ITPKB: variants seen among roughly 807,000 people sequenced by gnomAD.
ITPKB encodes the protein IP3 3-kinase B.
In ITPKB, 13 loss-of-function variants were observed where a neutral mutation model predicts 69.4. The observed-to-expected ratio is 0.19, with a 90% CI of 0.12 to 0.30. The LOEUF (loss-of-function observed/expected upper bound fraction) is 0.30. Among genes scored for constraint, ITPKB ranks in the 10% least tolerant of loss-of-function variants. The pLI is 1.00. For synonymous variants in ITPKB, 584 were observed against 513.7 expected (o/e 1.14, Z -1.85); for missense variants, 1,240 against 1,250.5 (o/e 0.99, Z 0.13).
intron 2 of ITPKB, among the ~76,000 whole-genome samples, chr1:226,732,384 G>A (rs188476714): frequency 1.3e-5 from 2 of 151,904 alleles, no homozygotes; most frequent in East Asian, 1.9e-4. Context: ...GATTACAGGC[G>A]CCCGCGACCA....
At chr1:226,735,169 C>T (rs536629073) in intron 2 of ITPKB, among the ~76,000 whole-genome samples, 1 of 152,376 alleles carries the variant, frequency 6.6e-6, no homozygotes, top group South Asian at 2.1e-4. Flanking sequence ...AAACTACACT[C>T]AGTAGCTCAG....
At chr1:226,663,391 C>T (rs149858536) in intron 2 of ITPKB, among the ~76,000 whole-genome samples, 3 of 152,292 alleles carry the variant, frequency 2.0e-5, no homozygotes, top group Non-Finnish European at 1.5e-5. Context: ...AAACTCCTAC[C>T]CTGGAAGCCT....
chr1:226,733,970 T>C (rs527572518), intron 2 of ITPKB, among the ~76,000 whole-genome samples: 1 of 152,214 alleles, frequency 6.6e-6, no homozygotes, highest in South Asian at 2.1e-4. Flanking sequence ...TAAAGTGACT[T>C]TGGCTGTTTC....
chr1:226,691,403 C>A (rs1403191784), intron 2 of ITPKB, among the ~76,000 whole-genome samples: 4 of 152,116 alleles, frequency 2.6e-5, no homozygotes, highest in African/African-American at 9.7e-5. Flanking sequence ...GGGGTGGGGC[C>A]TGGCTGGGGG....
At chr1:226,665,543 A>ACCAAAGATGAAAT (rs1669480061) in intron 2 of ITPKB, among the ~76,000 whole-genome samples, 2 of 152,196 alleles carry the variant, frequency 1.3e-5, no homozygotes, top group African/African-American at 4.8e-5. Context: ...GATGAAATAG[A>ACCAAAGATGAAAT]ACACCAAGAC....
At chr1:226,690,719 G>A (rs897847640) in intron 2 of ITPKB, among the ~76,000 whole-genome samples, 1 of 152,156 alleles carries the variant, frequency 6.6e-6, no homozygotes, top group East Asian at 1.9e-4. Context: ...TCAATTCAAC[G>A]TGTCCACCTA....
chr1:226,634,744 T>C lies in ITPKB; in HGVS notation c.2768A>G (p.Asp923Gly). 8.2e-7 allele frequency: 1 copy of C among 1,221,386 alleles called. No homozygotes were observed. Among genetic ancestry groups the C allele is most frequent in the Non-Finnish European group, 1.2e-6 (1 of 821,594 alleles). The allele number at this position is 1,221,386 out of a possible 1,614,324, so 75.7% of individuals were successfully genotyped here. The part of the protein sequence containing the change: ...DVPWQEGNRE[D>G]GYLSGLNNLV... ...GTTATTGAGCCCCGAGAGGTAGCCA[T>C]CCTCCCGGTTCCCCTCCTGCCAGGG... Residue 923 changes from aspartate to glycine, a missense_variant, in exon 8 of 8, where the codon GAT becomes GGT. Coordinates refer to ENST00000429204, the MANE Select transcript of ITPKB (RefSeq NM_002221.4). The surrounding 1 kb of genome is among the most constrained non-coding windows in gnomAD (Gnocchi z 6.3).
At chr1:226,675,052 A>T (rs1669701029) in intron 2 of ITPKB, 1 of 147,338 alleles carries the variant, frequency 6.8e-6, no homozygotes, top group South Asian at 2.2e-4. Flanking sequence ...AGGCCACAGC[A>T]GGGTACTCTG....
At chr1:226,710,965 T>C (rs1054386146) in intron 2 of ITPKB, among the ~76,000 whole-genome samples, 1 of 152,206 alleles carries the variant, frequency 6.6e-6, no homozygotes, top group Non-Finnish European at 1.5e-5. Flanking sequence ...AAGGCAGCAA[T>C]GGGCCAGGCA....
Position 226,634,621 on chromosome 1 carries a change from C to G in ITPKB, c.*50G>C. The G allele has an allele frequency of 2.7e-6, 2 of 743,870 alleles. No homozygotes were observed. Among genetic ancestry groups the G allele is most frequent in the Non-Finnish European group, 2.5e-6 (1 of 396,342 alleles). 46.1% of individuals were successfully genotyped at this position (743,870 alleles called of 1,614,324 possible). A position where few individuals can be genotyped will look rare whatever the true frequency, so the allele number is the denominator to read the frequency against. On this transcript the variant is annotated 3_prime_UTR_variant, in exon 8 of 8. Transcript: ENST00000429204. The surrounding 1 kb of genome is among the most constrained non-coding windows in gnomAD (Gnocchi z 6.3). Reference sequence around the variant, plus strand: ...AAAGTTAGGAACGAGAAAGGAAGCACAGGAGGAGGAAAGGAGGCCCAGGCG... The same window carrying G: ...AAAGTTAGGAACGAGAAAGGAAGCAGAGGAGGAGGAAAGGAGGCCCAGGCG...
At chr1:226,728,617 A>G (rs1410932787) in intron 2 of ITPKB, among the ~76,000 whole-genome samples, 4 of 152,304 alleles carry the variant, frequency 2.6e-5, no homozygotes, top group East Asian at 1.9e-4. Flanking sequence ...ATTCATTCCT[A>G]TCGCTTTGAG....
At chr1:226,649,560 CAT>C (rs990896832) in intron 2 of ITPKB, among the ~76,000 whole-genome samples, 17 of 147,950 alleles carry the variant, frequency 1.1e-4, no homozygotes, top group African/African-American at 2.0e-4. Context: ...GTGATATGCA[CAT>C]ATGTGTGCAT....
chr1:226,735,229 T>C (rs1447471357), intron 2 of ITPKB, among the ~76,000 whole-genome samples: 1 of 152,254 alleles, frequency 6.6e-6, no homozygotes, highest in Non-Finnish European at 1.5e-5. Flanking sequence ...CATTTATGAA[T>C]ATTATTTTCC....
At chr1:226,686,181 T>C (rs1249253869) in intron 2 of ITPKB, among the ~76,000 whole-genome samples, 1 of 152,190 alleles carries the variant, frequency 6.6e-6, no homozygotes, top group Admixed American at 6.5e-5. Flanking sequence ...TCTGCTCTAA[T>C]GAGGCCATGG....
chr1:226,691,372 G>A (rs1409740417), intron 2 of ITPKB, among the ~76,000 whole-genome samples: 1 of 152,136 alleles, frequency 6.6e-6, no homozygotes. Flanking sequence ...GGCTTCAGAT[G>A]ACAGAGGCAG....
At chr1:226,662,131 C>T (rs1284678474) in intron 2 of ITPKB, among the ~76,000 whole-genome samples, 1 of 152,154 alleles carries the variant, frequency 6.6e-6, no homozygotes, top group Admixed American at 6.5e-5. Flanking sequence ...CCAAACCTCC[C>T]CCAGGGACCT....
chr1:226,649,228 C>T (rs1054589705), intron 2 of ITPKB, among the ~76,000 whole-genome samples: 6 of 150,896 alleles, frequency 4.0e-5, no homozygotes, highest in South Asian at 2.1e-4. Context: ...CACCGCGCTC[C>T]GCCCTCTCAG....
At position 226,708,474 on chromosome 1, in the gene ITPKB, G is replaced by A. The variant is rs189986299; in HGVS notation, c.1932+27053C>T. Among the ~76,000 whole-genome samples, 9 of 152,278 alleles carry A rather than the reference G, an allele frequency of 5.9e-5. No individual in the cohort carries two copies. In the East Asian group the frequency reaches 1.3e-3, roughly 23 times the overall value. On this transcript the variant is annotated intron_variant, in intron 2 of 7. Coordinates refer to ENST00000429204, the MANE Select transcript of ITPKB (RefSeq NM_002221.4). ...AGGCTGACTTAGGCACGAGTAACTC[G>A]AGACATTCTGGTCAATGAGACACAG...
At chr1:226,731,152 G>A (rs1246119259) in intron 2 of ITPKB, among the ~76,000 whole-genome samples, 1 of 152,212 alleles carries the variant, frequency 6.6e-6, no homozygotes, top group Admixed American at 6.5e-5. Context: ...TTTTGGCTCT[G>A]TGTGGGCAAG....
Sources: allele counts gnomAD v4.1 joint callset (sites outside exome capture counted in the v4.1 genomes callset), GRCh38; gene constraint gnomAD v4.1.1; non-coding constraint Gnocchi (gnomAD v3.1); transcripts MANE v1.5; gene names NCBI Gene and HGNC (gene_info 2026-07-23, HGNC 2026-07-21).